The following PABPC4L variants were observed in gnomAD, a reference collection of about 807,000 sequenced individuals.
PABPC4L encodes the protein polyadenylate-binding protein 4-like.
For missense variants in PABPC4L, 452 were observed against 451.4 expected (o/e 1.00, Z -0.01); for synonymous variants, 169 against 164.1 (o/e 1.03, Z -0.23).
the PABPC4L span, among the ~76,000 whole-genome samples, chr4:134,124,831 A>G: frequency 6.6e-6 from 1 of 152,224 alleles, no homozygotes; most frequent in Non-Finnish European, 1.5e-5. Flanking sequence ...GCACCAAGCC[A>G]TCTCTTAGCA....
At chr4:133,952,827 G>A in the PABPC4L span, among the ~76,000 whole-genome samples, 1,051 of 152,022 alleles carry the variant, frequency 6.9e-3, 13 homozygotes, top group African/African-American at 0.024. Context: ...TTTCTGCGTC[G>A]GGGACATATA....
chr4:133,973,287 A>G, the PABPC4L span, among the ~76,000 whole-genome samples: 53,071 of 151,700 alleles, frequency 0.35, 9,682 homozygotes, highest in Admixed American at 0.47. Context: ...CATGTCAAGT[A>G]TATATCATAA....
chr4:133,995,356 A>G, the PABPC4L span, among the ~76,000 whole-genome samples: 1 of 152,006 alleles, frequency 6.6e-6, no homozygotes, highest in Non-Finnish European at 1.5e-5. Context: ...CATAGCCAAT[A>G]TTTTGGCTTT....
the PABPC4L span, among the ~76,000 whole-genome samples, chr4:134,105,579 T>C: frequency 0.011 from 1,727 of 151,752 alleles, 34 homozygotes; most frequent in African/African-American, 0.036. Context: ...ATAATTTACA[T>C]TTTAAAATAT....
the PABPC4L span, among the ~76,000 whole-genome samples, chr4:134,188,882 ATT>A: frequency 6.6e-6 from 1 of 151,438 alleles, no homozygotes; most frequent in South Asian, 2.1e-4. Context: ...TGTTTCAGGT[ATT>A]TCTTTTGTTT....
the PABPC4L span, among the ~76,000 whole-genome samples, chr4:133,997,205 GGAGTCATACATCTCTC>G: frequency 6.6e-6 from 1 of 152,104 alleles, no homozygotes; most frequent in Non-Finnish European, 1.5e-5. Context: ...GGAAGAGTCA[GGAGTCATACATCTCTC>G]GCTTTAAATC....
At chr4:134,108,358 C>T in the PABPC4L span, among the ~76,000 whole-genome samples, 4 of 151,824 alleles carry the variant, frequency 2.6e-5, no homozygotes, top group Middle Eastern at 6.8e-3. Context: ...AGCTTTTGCT[C>T]TTTTATTTAT....
At chr4:134,033,990 A>G in the PABPC4L span, among the ~76,000 whole-genome samples, 1 of 152,000 alleles carries the variant, frequency 6.6e-6, no homozygotes, top group African/African-American at 2.4e-5. Context: ...AGAAGATGCC[A>G]TCTAGAACTT....
At chr4:134,153,208 T>C in the PABPC4L span, among the ~76,000 whole-genome samples, 1 of 152,172 alleles carries the variant, frequency 6.6e-6, no homozygotes, top group Non-Finnish European at 1.5e-5. Flanking sequence ...TAGTACTGTG[T>C]CTTTCATATT....
At chr4:134,126,588 T>C in the PABPC4L span, among the ~76,000 whole-genome samples, 30 of 118,518 alleles carry the variant, frequency 2.5e-4, no homozygotes, top group Non-Finnish European at 4.0e-4. Flanking sequence ...ACATTTCCCT[T>C]TAGTCTTTTT....
chr4:133,960,556 A>G, the PABPC4L span, among the ~76,000 whole-genome samples: 1 of 152,178 alleles, frequency 6.6e-6, no homozygotes, highest in Non-Finnish European at 1.5e-5. Flanking sequence ...GGACCAGTCG[A>G]GAAGCCTCCT....
At chr4:134,022,976 G>A in the PABPC4L span, among the ~76,000 whole-genome samples, 1 of 142,410 alleles carries the variant, frequency 7.0e-6, no homozygotes, top group African/African-American at 2.8e-5. Context: ...AAAGGGTTGG[G>A]GAAAGAAAAA....
At chr4:134,107,403 T>A in the PABPC4L span, among the ~76,000 whole-genome samples, 1 of 151,560 alleles carries the variant, frequency 6.6e-6, no homozygotes, top group Non-Finnish European at 1.5e-5. Context: ...TCATAGTTAA[T>A]GAAATATCAC....
chr4:134,078,135 ATAAG>A, the PABPC4L span, among the ~76,000 whole-genome samples: 9 of 152,212 alleles, frequency 5.9e-5, no homozygotes, highest in African/African-American at 2.2e-4. Context: ...TGGACTTAAC[ATAAG>A]TAATACTAAA....
the PABPC4L span, among the ~76,000 whole-genome samples, chr4:134,038,439 A>T: frequency 2.0e-5 from 3 of 152,110 alleles, no homozygotes; most frequent in African/African-American, 7.2e-5. Context: ...TTGGCTGTGA[A>T]TCCATCTGGT....
the PABPC4L span, among the ~76,000 whole-genome samples, chr4:134,109,495 G>A: frequency 6.6e-6 from 1 of 151,382 alleles, no homozygotes; most frequent in Non-Finnish European, 1.5e-5. Flanking sequence ...TAAATAGAAG[G>A]GAGATACTAA....
chr4:134,051,118 A>G, the PABPC4L span, among the ~76,000 whole-genome samples: 3 of 152,194 alleles, frequency 2.0e-5, no homozygotes, highest in Non-Finnish European at 4.4e-5. Context: ...ACAACATGCT[A>G]TCAAACAAAA....
At chr4:134,027,077 A>T in the PABPC4L span, among the ~76,000 whole-genome samples, 1 of 152,164 alleles carries the variant, frequency 6.6e-6, no homozygotes, top group Non-Finnish European at 1.5e-5. Context: ...TTTGTTTTAA[A>T]TTATTTATGT....
the PABPC4L span, among the ~76,000 whole-genome samples, chr4:134,133,899 G>A: frequency 6.6e-6 from 1 of 151,818 alleles, no homozygotes; most frequent in Non-Finnish European, 1.5e-5. Flanking sequence ...GTAAATTTTA[G>A]TTGTGCTTTT....
Sources: allele counts gnomAD v4.1 joint callset (sites outside exome capture counted in the v4.1 genomes callset), GRCh38; gene constraint gnomAD v4.1.1; transcripts MANE v1.5; gene names NCBI Gene and HGNC (gene_info 2026-07-23, HGNC 2026-07-21).